The following DSCAM variants were observed in gnomAD, a reference collection of about 807,000 sequenced individuals.
DSCAM encodes cell adhesion molecule DSCAM.
DSCAM carries 47 observed loss-of-function variants against 217.7 expected under a neutral mutation model. The observed-to-expected ratio is 0.22, with a 90% CI of 0.17 to 0.28. DSCAM has a LOEUF of 0.28. DSCAM is among the 10% of genes least tolerant of loss of function. The pLI, the probability that DSCAM is intolerant of heterozygous loss-of-function variation, is 1.00. For missense variants in DSCAM, 2,080 were observed against 2,618.3 expected, an observed-to-expected ratio of 0.79 and a Z score of 4.49; for synonymous variants, 1,056 against 1,015.3, an observed-to-expected ratio of 1.04 and a Z score of -0.76.
chr21:40,187,767 A>T, intron 13 of DSCAM, 124 bp downstream of exon 13: 3 of 901,142 alleles, frequency 3.3e-6, no homozygotes, highest in Non-Finnish European at 5.4e-6. Context: ...ATACATATTC[A>T]AAATTTCCTG....
At chr21:40,282,297 G>C (rs1217794069) in intron 10 of DSCAM, among the ~76,000 whole-genome samples, 1 of 152,020 alleles carries the variant, frequency 6.6e-6, no homozygotes, top group African/African-American at 2.4e-5. Flanking sequence ...CTATAAGATA[G>C]GTAATCTAGG....
intron 3 of DSCAM, among the ~76,000 whole-genome samples, chr21:40,619,232 A>G (rs1462704360): frequency 6.6e-6 from 1 of 152,210 alleles, no homozygotes; most frequent in African/African-American, 2.4e-5. Flanking sequence ...TCCTTCTCCC[A>G]TGAAACTATA....
chr21:40,374,653 T>C (rs1343145845), intron 3 of DSCAM, among the ~76,000 whole-genome samples: 2 of 152,166 alleles, frequency 1.3e-5, no homozygotes, highest in Non-Finnish European at 2.9e-5. Context: ...TGCACAAAAT[T>C]TATATGATGA....
intron 3 of DSCAM, among the ~76,000 whole-genome samples, chr21:40,461,493 C>G (rs2075805575): frequency 1.3e-5 from 2 of 152,126 alleles, no homozygotes; most frequent in Admixed American, 1.3e-4. Context: ...CCAGGTAACC[C>G]AGCTCTAAGA....
chr21:40,376,483 T>TTA (rs1486960016), intron 3 of DSCAM, among the ~76,000 whole-genome samples: 6 of 130,054 alleles, frequency 4.6e-5, no homozygotes, highest in Admixed American at 8.7e-5. Context: ...TCTATATATC[T>TTA]TATATAGATA....
intron 16 of DSCAM, among the ~76,000 whole-genome samples, chr21:40,163,782 G>A (rs1198492616): frequency 6.6e-6 from 1 of 152,082 alleles, no homozygotes; most frequent in South Asian, 2.1e-4. Context: ...ACTGAGTGTG[G>A]TTCACATCTT....
intron 3 of DSCAM, among the ~76,000 whole-genome samples, chr21:40,691,857 A>G (rs546220987): frequency 1.3e-5 from 2 of 152,314 alleles, no homozygotes; most frequent in South Asian, 4.1e-4. Context: ...GTGTACAGTA[A>G]CCAACCTCTC....
intron 11 of DSCAM, among the ~76,000 whole-genome samples, chr21:40,237,982 C>T (rs1057100226): frequency 1.3e-5 from 2 of 152,122 alleles, no homozygotes; most frequent in Admixed American, 6.5e-5. Flanking sequence ...TCACAGATTC[C>T]GTGGGTTGGG....
At chr21:40,533,522 CATCT>C (rs752381379) in intron 3 of DSCAM, among the ~76,000 whole-genome samples, 41 of 150,772 alleles carry the variant, frequency 2.7e-4, no homozygotes, top group Non-Finnish European at 4.6e-4. Context: ...TCCATCCATC[CATCT>C]GTCCATCCAT....
chr21:40,305,306 T>C (rs1391747706), intron 9 of DSCAM, among the ~76,000 whole-genome samples: 2 of 147,788 alleles, frequency 1.4e-5, no homozygotes, highest in African/African-American at 5.1e-5. Context: ...AGGAGAATGG[T>C]GTGAACCCGG....
Position 40,824,403 on chromosome 21 carries a change from A to ATTTTTTTTTTTTTTTTT in DSCAM, c.43+22199_43+22215dup, listed in dbSNP as rs536114434. On this transcript the variant is annotated intron_variant, in intron 1 of 32. Transcript: ENST00000400454. ...GCTCCCTATCCCATTTTTATTATTG[A>ATTTTTTTTTTTTTTTTT]TTTTTTTTTTTTTTTTTGGAGACAG... Among the ~76,000 whole-genome samples the ATTTTTTTTTTTTTTTTT allele has an allele frequency of 1.9e-4, 23 of 121,024 alleles. 1 individual carries two copies. Among genetic ancestry groups the ATTTTTTTTTTTTTTTTT allele is most frequent in the African/African-American group, 4.5e-4 (13 of 28,712 alleles). 79.4% of individuals were successfully genotyped at this position (121,024 alleles called of 152,430 possible). A position where few individuals can be genotyped will look rare whatever the true frequency, so the allele number is the denominator to read the frequency against.
At chr21:40,690,724 G>T (rs2090529409) in intron 3 of DSCAM, among the ~76,000 whole-genome samples, 1 of 152,136 alleles carries the variant, frequency 6.6e-6, no homozygotes, top group South Asian at 2.1e-4. Flanking sequence ...AATAAAGTCT[G>T]TTCACAGAGA....
At chr21:40,498,209 G>C (rs1040651025) in intron 3 of DSCAM, among the ~76,000 whole-genome samples, 1 of 152,100 alleles carries the variant, frequency 6.6e-6, no homozygotes, top group African/African-American at 2.4e-5. Flanking sequence ...TTGTTGCCAG[G>C]AGGAATTACT....
chr21:40,312,481 G>C, intron 8 of DSCAM, 122 bp from the exon 9 acceptor site: 1 of 1,095,714 alleles, frequency 9.1e-7, no homozygotes, highest in Non-Finnish European at 1.2e-6. Flanking sequence ...AGAAATACAG[G>C]AACTGTAGCA....
chr21:40,477,040 C>T (rs759277067), intron 3 of DSCAM, among the ~76,000 whole-genome samples: 1 of 152,188 alleles, frequency 6.6e-6, no homozygotes. Context: ...TCAAAGAAAA[C>T]AAAAGTTATA....
chr21:40,662,701 G>A (rs1254711889), intron 3 of DSCAM, among the ~76,000 whole-genome samples: 1 of 152,082 alleles, frequency 6.6e-6, no homozygotes. Context: ...TGCCCTCAGA[G>A]AGCCACAAGA....
chr21:40,498,075 A>G (rs2076133709), intron 3 of DSCAM, among the ~76,000 whole-genome samples: 1 of 152,248 alleles, frequency 6.6e-6, no homozygotes, highest in Non-Finnish European at 1.5e-5. Flanking sequence ...TGCACATGTC[A>G]TAACCTTTCT....
chr21:40,134,161 CAT>C, intron 18 of DSCAM, 152 bp from the exon 19 acceptor site: 1 of 977,146 alleles, frequency 1.0e-6, no homozygotes, highest in Non-Finnish European at 1.4e-6. Context: ...TGTGCACAGT[CAT>C]CCTGTGAGCT....
intron 11 of DSCAM, among the ~76,000 whole-genome samples, chr21:40,251,439 C>T (rs1055947451): frequency 7.2e-5 from 11 of 152,146 alleles, no homozygotes; most frequent in Non-Finnish European, 5.9e-5. Context: ...CCCGATGTTT[C>T]CTTCTACGTA....
Sources: gnomAD v4.1 joint callset for allele counts (sites outside exome capture counted in the v4.1 genomes callset) on GRCh38, gnomAD v4.1.1 for gene constraint, MANE v1.5 for transcripts, NCBI Gene and HGNC (gene_info 2026-07-23, HGNC 2026-07-21) for gene names.